The following IQCK variants were observed in gnomAD, a reference collection of about 807,000 sequenced individuals.
IQCK encodes the protein IQ motif containing K, also known as IQ domain-containing protein K.
IQCK carries 29 observed loss-of-function variants against 28.1 expected under a neutral mutation model. The observed-to-expected ratio is 1.03, with a 90% CI of 0.77 to 1.41. The LOEUF (loss-of-function observed/expected upper bound fraction) is 1.41, where lower values mean the gene tolerates loss of function less well. Among genes scored for constraint, IQCK ranks in the 40% most tolerant of loss-of-function variants. The pLI is 0.00. For synonymous variants in IQCK, 113 were observed against 115.1 expected (o/e 0.98, Z 0.12); for missense variants, 359 against 314.7 (o/e 1.14, Z -1.07).
chr16:19,852,812 C>T (rs930966113), intron 9 of IQCK, among the ~76,000 whole-genome samples: 11 of 151,838 alleles, frequency 7.2e-5, no homozygotes, highest in Non-Finnish European at 8.8e-5. Flanking sequence ...TTAGTAGAGA[C>T]GGGGTTTCAC....
chr16:19,828,513 C>T (rs892920008), downstream of IQCK, among the ~76,000 whole-genome samples: 2 of 152,084 alleles, frequency 1.3e-5, no homozygotes, highest in Admixed American at 1.3e-4. Flanking sequence ...GCTGGGATTA[C>T]AGGCATGAGC....
At position 19,719,670 on chromosome 16, in the gene IQCK, ATTTTTTT is replaced by A. The variant is rs1204084614; in HGVS notation, c.181+1199_181+1205del. ...TAACTGAATTTCTTGTTGGACTCAA[ATTTTTTT>A]TTTTTTTTTTTTTTTGAGACGGCAT... On this transcript the variant is annotated intron_variant, in intron 1 of 7. Transcript: ENST00000564186. 3.1e-3 allele frequency among the ~76,000 whole-genome samples: 398 copies of A among 126,612 alleles called. 1 individual carries two copies. The highest frequency in any genetic ancestry group is 0.012 in the African/African-American group (380 of 31,298). 83.1% of individuals were successfully genotyped at this position (126,612 alleles called of 152,430 possible). A position where few individuals can be genotyped will look rare whatever the true frequency, so the allele number is the denominator to read the frequency against.
At chr16:19,780,242 AT>A (rs1190148610) in intron 6 of IQCK, among the ~76,000 whole-genome samples, 6 of 151,574 alleles carry the variant, frequency 4.0e-5, no homozygotes, top group Non-Finnish European at 8.8e-5. Context: ...GGGTTTCACT[AT>A]GTTGGCCAGG....
rs148201673 is a variant in IQCK, at chr16:19,773,547, G to GAT, written c.605+9437_605+9438dup. Among the ~76,000 whole-genome samples, 702 of 152,308 alleles carry GAT rather than the reference G, an allele frequency of 4.6e-3. 9 individuals are homozygous for GAT. The highest frequency in any genetic ancestry group is 0.016 in the African/African-American group (671 of 41,570). On this transcript the variant is annotated intron_variant, in intron 6 of 7. Transcript: ENST00000564186. ...AGGGTCAGCAAACTTTTCTATAGAGGATAGTTAAGTCTTTTAGGCTTTGCA... is the reference window on the plus strand; with the variant it reads ...AGGGTCAGCAAACTTTTCTATAGAGGATATAGTTAAGTCTTTTAGGCTTTGCA...
At chr16:19,831,837 C>T (rs2056236566), downstream of IQCK, among the ~76,000 whole-genome samples, 1 of 151,956 alleles carries the variant, frequency 6.6e-6, no homozygotes, top group Non-Finnish European at 1.5e-5. Flanking sequence ...CATCAGCTGT[C>T]GGGGTGGAAT....
At chr16:19,724,103 C>G (rs1177630345) in intron 1 of IQCK, among the ~76,000 whole-genome samples, 1 of 152,152 alleles carries the variant, frequency 6.6e-6, no homozygotes, top group East Asian at 1.9e-4. Flanking sequence ...TCACACAAAA[C>G]TATTCCTCCA....
At chr16:19,734,278 C>G (rs1175133483) in intron 3 of IQCK, among the ~76,000 whole-genome samples, 1 of 152,048 alleles carries the variant, frequency 6.6e-6, no homozygotes, top group Non-Finnish European at 1.5e-5. Context: ...AGGAGGATCA[C>G]TTGAGGTCAG....
chr16:19,847,937 G>A (rs1008674179), intron 9 of IQCK, among the ~76,000 whole-genome samples: 2 of 152,104 alleles, frequency 1.3e-5, no homozygotes, highest in African/African-American at 4.8e-5. Context: ...CAAAGTGCTG[G>A]GATTATAGGC....
rs1252235303 is a variant in IQCK at position 19,836,754 on chromosome 16, C to T, written c.802+9617C>T. ...CTCTTGATCTCTTGACTTTGTGATCCGCCCGCCCTGGCCTCCCAAAGTGCT... is the reference window on the plus strand; with the variant it reads ...CTCTTGATCTCTTGACTTTGTGATCTGCCCGCCCTGGCCTCCCAAAGTGCT... On this transcript the variant is annotated intron_variant, in intron 9 of 9. Transcript: ENST00000320394. 4.6e-5 allele frequency among the ~76,000 whole-genome samples: 7 copies of T among 152,286 alleles called. No individual in the cohort carries two copies. In the East Asian group the frequency reaches 7.7e-4, roughly 17 times the overall value.
chr16:19,842,987 T>C (rs2056378217), intron 9 of IQCK, among the ~76,000 whole-genome samples: 1 of 152,120 alleles, frequency 6.6e-6, no homozygotes, highest in South Asian at 2.1e-4. Context: ...TATCTGACTC[T>C]TGCAAAGGTG....
Position 19,856,483 on chromosome 16 carries a change from G to T in IQCK, c.803-4G>T, listed in dbSNP as rs2056564390. 1 of 1,612,382 alleles carries T rather than the reference G, an allele frequency of 6.2e-7. No individual in the cohort carries two copies. Among genetic ancestry groups the T allele is most frequent in the African/African-American group, 1.3e-5 (1 of 74,872 alleles). ...TCCTGACTTTCCCTTTCTTTTCTTTGCAGTGAAATGCAAAATGGAGGACGA... is the reference window on the plus strand; with the variant it reads ...TCCTGACTTTCCCTTTCTTTTCTTTTCAGTGAAATGCAAAATGGAGGACGA... On this transcript the variant is annotated splice_region_variant and splice_polypyrimidine_tract_variant and intron_variant, in intron 9 of 9. Coordinates refer to the IQCK transcript ENST00000320394.
At chr16:19,762,314 G>A (rs1006321463) in intron 4 of IQCK, among the ~76,000 whole-genome samples, 4 of 152,188 alleles carry the variant, frequency 2.6e-5, no homozygotes, top group Admixed American at 2.6e-4. Flanking sequence ...GTCTCGTGAA[G>A]GTGGCACTTA....
At chr16:19,745,769 C>T (rs1007640615) in intron 4 of IQCK, among the ~76,000 whole-genome samples, 1 of 152,164 alleles carries the variant, frequency 6.6e-6, no homozygotes, top group Non-Finnish European at 1.5e-5. Flanking sequence ...CATGTGACTG[C>T]GTTCAGCTGG....
At chr16:19,747,621 G>A (rs2054929561) in intron 4 of IQCK, among the ~76,000 whole-genome samples, 1 of 151,806 alleles carries the variant, frequency 6.6e-6, no homozygotes, top group Admixed American at 6.6e-5. Context: ...TAAGTAGTTT[G>A]TCATCATCAC....
At chr16:19,735,519 A>G in intron 4 of IQCK, 69 bp downstream of exon 4, 1 of 1,243,112 alleles carries the variant, frequency 8.0e-7, no homozygotes, top group Non-Finnish European at 1.2e-6. Flanking sequence ...ATGATAGCTC[A>G]TTATCTTGGT....
chr16:19,847,500 T>C (rs12926086), intron 9 of IQCK, among the ~76,000 whole-genome samples: 48,903 of 152,094 alleles, frequency 0.32, 8,410 homozygotes, highest in East Asian at 0.53. Flanking sequence ...CCCCTTCCCT[T>C]GAGGTAAACT....
At chr16:19,841,503 C>T (rs971488933) in intron 9 of IQCK, among the ~76,000 whole-genome samples, 4 of 152,164 alleles carry the variant, frequency 2.6e-5, no homozygotes. Context: ...AACTTCCTAG[C>T]TGTGTGTCCT....
intron 1 of IQCK, among the ~76,000 whole-genome samples, chr16:19,726,362 C>T (rs1977656654): frequency 6.6e-6 from 1 of 152,134 alleles, no homozygotes; most frequent in Non-Finnish European, 1.5e-5. Flanking sequence ...CAGGCAGTGT[C>T]ACTATTGGGA....
intron 6 of IQCK, among the ~76,000 whole-genome samples, chr16:19,777,985 A>G (rs56995898): frequency 0.34 from 51,963 of 152,018 alleles, 13,921 homozygotes; most frequent in African/African-American, 0.75. Context: ...CCCGGGAGGC[A>G]GAGGTTGCAG....
Sources: gnomAD v4.1 joint callset for allele counts (sites outside exome capture counted in the v4.1 genomes callset) on GRCh38, gnomAD v4.1.1 for gene constraint, MANE v1.5 for transcripts, NCBI Gene and HGNC (gene_info 2026-07-23, HGNC 2026-07-21) for gene names.